The following FHIT variants were observed in gnomAD, a reference collection of about 807,000 sequenced individuals.
FHIT encodes bis(5'-adenosyl)-triphosphatase.
Under a neutral mutation model 17.9 loss-of-function variants are expected in FHIT, and 19 were observed. That is an observed-to-expected ratio of 1.06 (90% CI 0.74 to 1.56). The LOEUF (loss-of-function observed/expected upper bound fraction) is 1.56, where lower values mean the gene tolerates loss of function less well. Ranked by LOEUF, FHIT falls within the 40% of genes most tolerant of loss-of-function variation. The probability of loss-of-function intolerance (pLI) is 0.00; values close to 1 mark genes in which losing one functional copy is unlikely to be tolerated. For synonymous variants in FHIT, 81 were observed against 69.7 expected, an observed-to-expected ratio of 1.16 and a Z score of -0.81; for missense variants, 248 against 189.2, an observed-to-expected ratio of 1.31 and a Z score of -1.82.
chr3:60,042,882 C>G (rs548924529), intron 5 of FHIT, among the ~76,000 whole-genome samples: 1 of 152,206 alleles, frequency 6.6e-6, no homozygotes, highest in African/African-American at 2.4e-5. Context: ...GTACCATTGT[C>G]ACATATTTCA....
chr3:60,652,617 T>C (rs1179456361), intron 4 of FHIT, among the ~76,000 whole-genome samples: 1 of 149,770 alleles, frequency 6.7e-6, no homozygotes, highest in Non-Finnish European at 1.5e-5. Flanking sequence ...TAGTCTCAGC[T>C]ACTTGGGAGG....
chr3:60,888,736 TG>T (rs1241066347), intron 3 of FHIT, among the ~76,000 whole-genome samples: 3 of 151,856 alleles, frequency 2.0e-5, no homozygotes, highest in Non-Finnish European at 2.9e-5. Context: ...ACAATGGTTT[TG>T]TTTGGAACAT....
At chr3:59,831,511 G>A (rs995904462) in intron 8 of FHIT, among the ~76,000 whole-genome samples, 9 of 152,128 alleles carry the variant, frequency 5.9e-5, no homozygotes, top group African/African-American at 1.9e-4. Context: ...CCGAGCCTGT[G>A]CCCTTAGTTA....
intron 2 of FHIT, among the ~76,000 whole-genome samples, chr3:61,112,203 G>T (rs368371584): frequency 6.6e-6 from 1 of 151,842 alleles, no homozygotes; most frequent in Non-Finnish European, 1.5e-5. Flanking sequence ...GGAATAATTC[G>T]GGTGCTTTTA....
At chr3:61,213,480 A>G (rs555283396) in intron 1 of FHIT, among the ~76,000 whole-genome samples, 2 of 152,350 alleles carry the variant, frequency 1.3e-5, no homozygotes, top group South Asian at 4.1e-4. Flanking sequence ...TATGCATCCA[A>G]TACAGGAGCA....
chr3:60,298,221 T>A (rs1371215327), intron 5 of FHIT, among the ~76,000 whole-genome samples: 4 of 152,058 alleles, frequency 2.6e-5, no homozygotes, highest in Admixed American at 2.6e-4. Flanking sequence ...GATTACAGCA[T>A]TGGCTACTGA....
At chr3:61,205,362 G>T (rs1420954301) in intron 1 of FHIT, among the ~76,000 whole-genome samples, 2 of 152,150 alleles carry the variant, frequency 1.3e-5, no homozygotes. Flanking sequence ...GAGTCAAATG[G>T]TATATCTAGT....
At chr3:60,804,796 T>G (rs1701326104) in intron 4 of FHIT, among the ~76,000 whole-genome samples, 1 of 152,222 alleles carries the variant, frequency 6.6e-6, no homozygotes, top group African/African-American at 2.4e-5. Context: ...CAGCCCTGTA[T>G]GACTAAATCT....
At chr3:60,542,018 T>A (rs929111993) in intron 4 of FHIT, among the ~76,000 whole-genome samples, 2 of 152,230 alleles carry the variant, frequency 1.3e-5, no homozygotes, top group Non-Finnish European at 2.9e-5. Context: ...CACTTTTTCA[T>A]AATTAATGTA....
At chr3:60,735,672 T>C (rs2042120044) in intron 4 of FHIT, among the ~76,000 whole-genome samples, 1 of 152,218 alleles carries the variant, frequency 6.6e-6, no homozygotes, top group African/African-American at 2.4e-5. Flanking sequence ...ATATTTCTGA[T>C]GCCATCTTTG....
At chr3:59,986,758 A>ATATATATTTATAT (rs1708973875) in intron 7 of FHIT, among the ~76,000 whole-genome samples, 1 of 33,888 alleles carries the variant, frequency 3.0e-5, no homozygotes, top group Non-Finnish European at 5.8e-5. Flanking sequence ...ATATATATAT[A>ATATATATTTATAT]AATATATTTA....
chr3:60,300,601 A>G (rs1708418675), intron 5 of FHIT, among the ~76,000 whole-genome samples: 1 of 152,174 alleles, frequency 6.6e-6, no homozygotes, highest in Admixed American at 6.6e-5. Flanking sequence ...AGGAAATGGG[A>G]TGGTGCTTTG....
intron 5 of FHIT, among the ~76,000 whole-genome samples, chr3:60,482,190 C>G (rs905037391): frequency 1.3e-5 from 2 of 152,120 alleles, no homozygotes. Context: ...TTCTTACAGA[C>G]CTACAAAGAG....
chr3:60,357,811 C>T (rs1273072234), intron 5 of FHIT, among the ~76,000 whole-genome samples: 1 of 77,158 alleles, frequency 1.3e-5, no homozygotes, highest in East Asian at 4.3e-4. Context: ...CGCTTAATCA[C>T]ATGGCCATCA....
intron 1 of FHIT, among the ~76,000 whole-genome samples, chr3:61,238,680 T>G (rs1050952448): frequency 3.9e-5 from 6 of 152,006 alleles, no homozygotes; most frequent in Admixed American, 3.3e-4. Context: ...TAAAGGAGAG[T>G]AGACTAGATG....
At chr3:60,269,215 C>T (rs567924628) in intron 5 of FHIT, among the ~76,000 whole-genome samples, 1 of 152,198 alleles carries the variant, frequency 6.6e-6, no homozygotes, top group Admixed American at 6.5e-5. Flanking sequence ...AAAATAAGAA[C>T]TAAGAAGAAC....
chr3:59,923,441 T>C lies in FHIT; in HGVS notation c.280-1027A>G, dbSNP rs796121261. ...TCTTTTAAATAGCCCATTTCTCTAG[T>C]CTACTAAAGCACCCAGGTAATATAC... is the stretch of plus-strand genomic sequence containing the variant. On this transcript the variant is annotated intron_variant, in intron 7 of 9. Coordinates refer to ENST00000492590, the MANE Select transcript of FHIT (RefSeq NM_002012.4). 3.1e-4 allele frequency among the ~76,000 whole-genome samples: 47 copies of C among 152,098 alleles called. 1 individual carries two copies. The highest frequency in any genetic ancestry group is 1.7e-3 in the South Asian group (8 of 4,826).
chr3:59,856,526 T>A (rs1214471287), intron 8 of FHIT, among the ~76,000 whole-genome samples: 2 of 152,214 alleles, frequency 1.3e-5, no homozygotes, highest in Non-Finnish European at 2.9e-5. Context: ...TACAGCCTTC[T>A]CTCACAAAGG....
chr3:60,520,150 T>C lies in FHIT; in HGVS notation c.103+16710A>G, dbSNP rs1348957116. ...TACGTTTCGATAAATTTTAGGCTTG[T>C]TTGTGTTTATGGTACTAAATGATAG... is the stretch of plus-strand genomic sequence containing the variant. On this transcript the variant is annotated intron_variant, in intron 5 of 9. Transcript: ENST00000492590. 2.0e-5 allele frequency among the ~76,000 whole-genome samples: 3 copies of C among 152,216 alleles called. No individual in the cohort carries two copies. The East Asian group carries it at 5.8e-4, about 29-fold the overall frequency.
Sources: gnomAD v4.1 joint callset for allele counts (sites outside exome capture counted in the v4.1 genomes callset) on GRCh38, gnomAD v4.1.1 for gene constraint, MANE v1.5 for transcripts, NCBI Gene and HGNC (gene_info 2026-07-23, HGNC 2026-07-21) for gene names.